The following ADAM12 variants were observed in gnomAD, a reference collection of about 807,000 sequenced individuals.
ADAM12 encodes the protein ADAM metallopeptidase domain 12.
A neutral mutation model predicts 106.4 loss-of-function variants in ADAM12; 70 were observed. The observed-to-expected ratio is 0.66, with a 90% CI of 0.54 to 0.80. The LOEUF is 0.80. ADAM12 is among the 30% of genes least tolerant of loss of function. The probability of loss-of-function intolerance (pLI) is 0.00; values close to 1 mark genes in which losing one functional copy is unlikely to be tolerated. For synonymous variants in ADAM12, 420 were observed against 433.5 expected, an observed-to-expected ratio of 0.97 and a Z score of 0.39; for missense variants, 1,010 against 1,171.9, an observed-to-expected ratio of 0.86 and a Z score of 2.02.
At chr10:126,197,169 T>C (rs988971729) in intron 3 of ADAM12, among the ~76,000 whole-genome samples, 1 of 152,122 alleles carries the variant, frequency 6.6e-6, no homozygotes, top group Admixed American at 6.5e-5. Flanking sequence ...GAGGAGCTAT[T>C]TGTAAAGACA....
chr10:126,264,710 A>G (rs1362757142), intron 3 of ADAM12, among the ~76,000 whole-genome samples: 1 of 152,162 alleles, frequency 6.6e-6, no homozygotes, highest in Non-Finnish European at 1.5e-5. Flanking sequence ...CTGCTTGTGA[A>G]TGAAACGTTG....
At chr10:126,355,329 G>A (rs1196646256) in intron 1 of ADAM12, among the ~76,000 whole-genome samples, 3 of 152,178 alleles carry the variant, frequency 2.0e-5, no homozygotes, top group Non-Finnish European at 4.4e-5. Flanking sequence ...ATCTCCGACA[G>A]GTCTAAACAA....
chr10:126,140,509 A>G (rs1956490003), intron 4 of ADAM12, among the ~76,000 whole-genome samples: 1 of 152,208 alleles, frequency 6.6e-6, no homozygotes, highest in African/African-American at 2.4e-5. Context: ...TGCTTAAAGT[A>G]AACAATCTCA....
chr10:126,100,521 G>A (rs1955642892), intron 9 of ADAM12, among the ~76,000 whole-genome samples: 1 of 150,350 alleles, frequency 6.7e-6, no homozygotes, highest in Admixed American at 6.6e-5. Context: ...GGCCAACATG[G>A]TGAAACCCTG....
chr10:126,369,669 G>A (rs1406035203), intron 1 of ADAM12, among the ~76,000 whole-genome samples: 1 of 152,152 alleles, frequency 6.6e-6, no homozygotes. Context: ...GCCAGCTCCA[G>A]GACTTGTACA....
chr10:126,044,184 C>A (rs536867228), intron 17 of ADAM12, among the ~76,000 whole-genome samples: 1 of 151,888 alleles, frequency 6.6e-6, no homozygotes, highest in Non-Finnish European at 1.5e-5. Flanking sequence ...TGCCTGTAAT[C>A]CCAGCAAGTG....
chr10:126,214,859 C>A (rs185183459), intron 3 of ADAM12, among the ~76,000 whole-genome samples: 1 of 152,224 alleles, frequency 6.6e-6, no homozygotes, highest in Non-Finnish European at 1.5e-5. Flanking sequence ...CCACCTCTCA[C>A]GCCCGCTGGC....
At chr10:126,323,548 G>T (rs759218178) in intron 2 of ADAM12, among the ~76,000 whole-genome samples, 6 of 152,142 alleles carry the variant, frequency 3.9e-5, no homozygotes, top group Admixed American at 6.5e-5. Context: ...ATCCAGGCAC[G>T]GATAAAGTCT....
intron 21 of ADAM12, among the ~76,000 whole-genome samples, chr10:126,033,953 C>G (rs1408895748): frequency 6.6e-6 from 1 of 152,068 alleles, no homozygotes; most frequent in African/African-American, 2.4e-5. Context: ...TAAAAAATGG[C>G]TAAAGAAAGT....
intron 3 of ADAM12, among the ~76,000 whole-genome samples, chr10:126,214,272 A>C (rs554948803): frequency 1.6e-4 from 24 of 152,316 alleles, no homozygotes; most frequent in Admixed American, 6.5e-4. Flanking sequence ...TCGACCCTTC[A>C]TTAGCCACGT....
intron 3 of ADAM12, among the ~76,000 whole-genome samples, chr10:126,232,662 A>G (rs1424302569): frequency 6.6e-6 from 1 of 152,110 alleles, no homozygotes; most frequent in Non-Finnish European, 1.5e-5. Context: ...TTAGATATCA[A>G]CCTTTCATCA....
intron 2 of ADAM12, among the ~76,000 whole-genome samples, chr10:126,288,807 A>G (rs1444897475): frequency 1.3e-5 from 2 of 149,374 alleles, no homozygotes; most frequent in South Asian, 4.3e-4. Flanking sequence ...ACCTGACCAC[A>G]TGGTGACACG....
intron 1 of ADAM12, among the ~76,000 whole-genome samples, chr10:126,364,368 G>A (rs1284603706): frequency 3.3e-5 from 5 of 152,028 alleles, no homozygotes. Context: ...ATAAATGTTA[G>A]AAAAGAAAAG....
rs1451800960 is a variant in ADAM12 at position 126,027,417 on chromosome 10, A to T, written c.2530-7592T>A. Among the ~76,000 whole-genome samples, 43 of 145,630 alleles carry T rather than the reference A, an allele frequency of 3.0e-4. No homozygotes were observed. In the East Asian group the frequency reaches 6.0e-3, roughly 20 times the overall value. On this transcript the variant is annotated intron_variant, in intron 21 of 22. Coordinates refer to ENST00000448723, the MANE Select transcript of ADAM12 (RefSeq NM_001288973.2). ...CTGGTACCAACACCTGGGAGAGATA[A>T]AAAAAAACCTCAGGCCAATATCCTT...
At chr10:126,382,305 C>T (rs1856522717) in intron 1 of ADAM12, among the ~76,000 whole-genome samples, 1 of 152,206 alleles carries the variant, frequency 6.6e-6, no homozygotes, top group Non-Finnish European at 1.5e-5. Flanking sequence ...CTCCGACCAA[C>T]ATGGGAGGTG....
intron 2 of ADAM12, among the ~76,000 whole-genome samples, chr10:126,327,596 C>T (rs1222391877): frequency 6.6e-6 from 1 of 151,964 alleles, no homozygotes; most frequent in East Asian, 1.9e-4. Flanking sequence ...CTCCTACCCC[C>T]TCCCCACCCC....
chr10:126,355,813 G>C (rs924327138), intron 1 of ADAM12, among the ~76,000 whole-genome samples: 1 of 152,206 alleles, frequency 6.6e-6, no homozygotes, highest in African/African-American at 2.4e-5. Context: ...GCAGATACTG[G>C]TGATATCTCT....
chr10:126,176,628 T>C (rs1482101375), intron 3 of ADAM12, among the ~76,000 whole-genome samples: 1 of 152,226 alleles, frequency 6.6e-6, no homozygotes, highest in Non-Finnish European at 1.5e-5. Context: ...AGTAATACAA[T>C]TCTTTTGTTT....
intron 2 of ADAM12, among the ~76,000 whole-genome samples, chr10:126,280,354 CTG>C (rs1253441373): frequency 6.6e-6 from 1 of 152,122 alleles, no homozygotes; most frequent in Non-Finnish European, 1.5e-5. Flanking sequence ...TCTAGTCTTT[CTG>C]TGTCTCTCAT....
Sources: allele counts gnomAD v4.1 joint callset (sites outside exome capture counted in the v4.1 genomes callset), GRCh38; gene constraint gnomAD v4.1.1; transcripts MANE v1.5; gene names NCBI Gene and HGNC (gene_info 2026-07-23, HGNC 2026-07-21).